SSX2IP: variants seen among roughly 807,000 people sequenced by gnomAD.
SSX2IP encodes SSX family member 2 interacting protein.
SSX2IP carries 55 observed loss-of-function variants against 84.9 expected under a neutral mutation model. That is an observed-to-expected ratio of 0.65 (90% CI 0.52 to 0.81). The LOEUF (loss-of-function observed/expected upper bound fraction) is 0.81, where lower values mean the gene tolerates loss of function less well. Among genes scored for constraint, SSX2IP ranks in the 30% least tolerant of loss-of-function variants. The pLI is 0.00. For synonymous variants in SSX2IP, 239 were observed against 234.7 expected (o/e 1.02, Z -0.17); for missense variants, 664 against 705.2 (o/e 0.94, Z 0.66).
At chr1:84,676,854 C>A (rs1266821831) in intron 1 of SSX2IP, among the ~76,000 whole-genome samples, 1 of 150,466 alleles carries the variant, frequency 6.6e-6, no homozygotes, top group African/African-American at 2.4e-5. Flanking sequence ...TTCTGAGTAG[C>A]TGGGATTACA....
intron 8 of SSX2IP, among the ~76,000 whole-genome samples, chr1:84,660,239 T>A (rs1361954114): frequency 6.6e-6 from 1 of 152,188 alleles, no homozygotes; most frequent in Non-Finnish European, 1.5e-5. Flanking sequence ...TCATTGTTCA[T>A]CCACTTAAAC....
intron 1 of SSX2IP, among the ~76,000 whole-genome samples, chr1:84,671,701 T>C (rs1417445693): frequency 6.6e-6 from 1 of 152,200 alleles, no homozygotes; most frequent in Non-Finnish European, 1.5e-5. Context: ...TTGTTTGTTT[T>C]TACCAACTAT....
chr1:84,679,726 G>A (rs896910293), intron 1 of SSX2IP, among the ~76,000 whole-genome samples: 1 of 152,156 alleles, frequency 6.6e-6, no homozygotes, highest in Non-Finnish European at 1.5e-5. Context: ...CTATAACTAG[G>A]ACATAGGGTA....
At chr1:84,690,561 C>G (rs534258909), upstream of SSX2IP, 2 of 152,354 alleles carry the variant, frequency 1.3e-5, no homozygotes, top group African/African-American at 2.4e-5. Flanking sequence ...ACCCCGCCCC[C>G]GCGCGCCGGC....
chr1:84,681,759 G>C (rs1305208791), intron 1 of SSX2IP, among the ~76,000 whole-genome samples: 1 of 152,150 alleles, frequency 6.6e-6, no homozygotes, highest in African/African-American at 2.4e-5. Context: ...CCACCAATCA[G>C]GTACACTTCT....
intron 1 of SSX2IP, among the ~76,000 whole-genome samples, chr1:84,681,871 G>A (rs901454721): frequency 6.6e-6 from 1 of 152,140 alleles, no homozygotes; most frequent in Non-Finnish European, 1.5e-5. Flanking sequence ...GGAAGACAGG[G>A]AACAGAAATA....
intron 11 of SSX2IP, among the ~76,000 whole-genome samples, chr1:84,652,988 C>T (rs533983778): frequency 3.3e-5 from 5 of 152,024 alleles, no homozygotes; most frequent in East Asian, 3.9e-4. Context: ...GCCAAGATCA[C>T]GCCACTGCAC....
At chr1:84,652,348 G>A (rs1292012663) in intron 11 of SSX2IP, 4 of 181,068 alleles carry the variant, frequency 2.2e-5, no homozygotes, top group South Asian at 2.6e-4. Context: ...GCTAGAGGCT[G>A]GGAAGTTGAC....
chr1:84,656,307 C>A, intron 10 of SSX2IP, 41 bp downstream of exon 10: 1 of 1,592,254 alleles, frequency 6.3e-7, no homozygotes, highest in Non-Finnish European at 8.5e-7. Context: ...ACAATTCTGG[C>A]TTTTCATGGA....
intron 1 of SSX2IP, among the ~76,000 whole-genome samples, chr1:84,676,585 G>A (rs1278587936): frequency 2.6e-5 from 4 of 151,990 alleles, no homozygotes; most frequent in African/African-American, 9.7e-5. Flanking sequence ...ATGTCCAAGT[G>A]TTTTCTCTTT....
At chr1:84,666,515 C>A (rs567763752) in intron 4 of SSX2IP, among the ~76,000 whole-genome samples, 1 of 152,068 alleles carries the variant, frequency 6.6e-6, no homozygotes, top group Non-Finnish European at 1.5e-5. Flanking sequence ...CATGATGCTG[C>A]CCCTGAATAT....
intron 1 of SSX2IP, among the ~76,000 whole-genome samples, chr1:84,681,348 G>A (rs894411509): frequency 6.6e-6 from 1 of 152,148 alleles, no homozygotes; most frequent in Non-Finnish European, 1.5e-5. Context: ...GTACAGCCAG[G>A]CTATTCTGGG....
At chr1:84,689,859 C>CACT (rs1179394657) in intron 1 of SSX2IP, among the ~76,000 whole-genome samples, 1 of 152,222 alleles carries the variant, frequency 6.6e-6, no homozygotes, top group Non-Finnish European at 1.5e-5. Flanking sequence ...TTTACTAGAC[C>CACT]ACTATCGGGG....
At chr1:84,650,290 C>A in intron 13 of SSX2IP, 72 bp downstream of exon 13, 2 of 1,464,282 alleles carry the variant, frequency 1.4e-6, no homozygotes, top group South Asian at 1.1e-5. Flanking sequence ...TACAGACATG[C>A]CACCTTTCCC....
intron 11 of SSX2IP, 74 bp downstream of exon 11, chr1:84,655,755 AAGG>A: frequency 6.6e-7 from 1 of 1,508,256 alleles, no homozygotes; most frequent in Non-Finnish European, 8.9e-7. Context: ...GCAAGAAAAA[AAGG>A]AGACCTTAGA....
In SSX2IP at chr1:84,645,676, A is replaced by T. The variant is rs1404230751; in HGVS notation, c.*1757T>A. ...CCATTAACTGTATTTAAAATTTCTG[A>T]TTGCCTTTTTGACCATGTTATTGCT... On this transcript the variant is annotated 3_prime_UTR_variant, in exon 14 of 14. Coordinates refer to ENST00000342203, the MANE Select transcript of SSX2IP (RefSeq NM_001166293.2). 6.6e-6 allele frequency: 1 copy of T among 152,206 alleles called. No individual in the cohort carries two copies. The highest frequency in any genetic ancestry group is 1.5e-5 in the Non-Finnish European group (1 of 68,030). 9.4% of individuals were successfully genotyped at this position (152,206 alleles called of 1,614,324 possible). A position where few individuals can be genotyped will look rare whatever the true frequency, so the allele number is the denominator to read the frequency against.
In SSX2IP at chr1:84,646,842, T is replaced by C. The variant is rs1347869275; in HGVS notation, c.*591A>G. ...GGTCCTAATACATCTGTAAACAGAATACCACTAAAAAAATTTTACTGGCAT... is the reference window on the plus strand; with the variant it reads ...GGTCCTAATACATCTGTAAACAGAACACCACTAAAAAAATTTTACTGGCAT... On this transcript the variant is annotated 3_prime_UTR_variant, in exon 14 of 14. Coordinates refer to ENST00000342203, the MANE Select transcript of SSX2IP (RefSeq NM_001166293.2). 1 of 152,566 alleles carries C rather than the reference T, an allele frequency of 6.6e-6. No homozygotes were observed. Among genetic ancestry groups the C allele is most frequent in the Non-Finnish European group, 1.5e-5 (1 of 67,990 alleles). 9.5% of individuals were successfully genotyped at this position (152,566 alleles called of 1,614,324 possible).
In SSX2IP at chr1:84,654,563, A is replaced by G. The variant is rs568329120; in HGVS notation, c.1389+1269T>C. Reference sequence around the variant, plus strand: ...AGCGAATTGAACAGAAACCCAAGAAAGACAGTAACATGAGATATGAGCAAC... The same window carrying G: ...AGCGAATTGAACAGAAACCCAAGAAGGACAGTAACATGAGATATGAGCAAC... On this transcript the variant is annotated intron_variant, in intron 11 of 13. Transcript: ENST00000342203. Among the ~76,000 whole-genome samples the G allele has an allele frequency of 2.0e-5, 3 of 152,280 alleles. No individual in the cohort carries two copies. The East Asian group carries it at 5.8e-4, about 29-fold the overall frequency.
At chr1:84,653,393 T>G (rs1229462981) in intron 11 of SSX2IP, among the ~76,000 whole-genome samples, 1 of 152,184 alleles carries the variant, frequency 6.6e-6, no homozygotes, top group African/African-American at 2.4e-5. Context: ...CTCCCCCTTC[T>G]GAATAGCTGA....
Sources: allele counts gnomAD v4.1 joint callset (sites outside exome capture counted in the v4.1 genomes callset), GRCh38; gene constraint gnomAD v4.1.1; transcripts MANE v1.5; gene names NCBI Gene and HGNC (gene_info 2026-07-23, HGNC 2026-07-21).